The following HSF2 variants were observed in gnomAD, a reference collection of about 807,000 sequenced individuals.
HSF2 encodes heat shock transcription factor 2, also known as heat shock factor protein 2.
In HSF2, 21 loss-of-function variants were observed where a neutral mutation model predicts 65.0. The observed-to-expected ratio is 0.32, with a 90% CI of 0.23 to 0.47. The LOEUF (loss-of-function observed/expected upper bound fraction) is 0.47, where lower values mean the gene tolerates loss of function less well. Among genes scored for constraint, HSF2 ranks in the 20% least tolerant of loss-of-function variants. The pLI, the probability that HSF2 is intolerant of heterozygous loss-of-function variation, is 1.00. For missense variants in HSF2, 499 were observed against 628.1 expected, an observed-to-expected ratio of 0.79 and a Z score of 2.20; for synonymous variants, 225 against 219.1, an observed-to-expected ratio of 1.03 and a Z score of -0.24.
rs6926219 is a variant in HSF2 at position 122,399,661 on chromosome 6, G to T, written c.-77G>T. ...CGCCTGCGTTGTGGGCGTTCTCGGG[G>T]AGCTGCTGCCGTAGCTGCCGCCGCC... is the stretch of plus-strand genomic sequence containing the variant. On this transcript the variant is annotated 5_prime_UTR_variant, in exon 1 of 13. Coordinates refer to ENST00000368455, the MANE Select transcript of HSF2 (RefSeq NM_004506.4). 13 of 1,114,678 alleles carry T rather than the reference G, an allele frequency of 1.2e-5. No homozygotes were observed. The East Asian group carries it at 1.9e-4, about 16-fold the overall frequency. The allele number at this position is 1,114,678 out of a possible 1,614,324, so 69.0% of individuals were successfully genotyped here.
At chr6:122,423,487 A>G in intron 9 of HSF2, 94 bp from the exon 10 acceptor site, 3 of 569,918 alleles carry the variant, frequency 5.3e-6, no homozygotes, top group East Asian at 3.0e-5. Flanking sequence ...AGCAGCTGCT[A>G]GAAATATCTT....
Position 122,405,772 on chromosome 6 carries a change from T to C in HSF2, c.93+5942T>C, listed in dbSNP as rs529061177. On this transcript the variant is annotated intron_variant, in intron 1 of 12. Transcript: ENST00000368455. ...TTACATATTGTCTGTATCTGCTTTCTCACTACAAAGGTAGAGTTATGATGT... is the reference window on the plus strand; with the variant it reads ...TTACATATTGTCTGTATCTGCTTTCCCACTACAAAGGTAGAGTTATGATGT... Among the ~76,000 whole-genome samples, 6 of 152,358 alleles carry C rather than the reference T, an allele frequency of 3.9e-5. No individual in the cohort carries two copies. In the South Asian group the frequency reaches 1.0e-3, roughly 26 times the overall value.
chr6:122,432,385 G>C lies in HSF2; in HGVS notation c.*165G>C. The C allele has an allele frequency of 1.7e-6, 1 of 597,204 alleles. No individual in the cohort carries two copies. The highest frequency in any genetic ancestry group is 4.4e-4 in the Middle Eastern group (1 of 2,266). The allele number at this position is 597,204 out of a possible 1,614,324, so 37.0% of individuals were successfully genotyped here. A position where few individuals can be genotyped will look rare whatever the true frequency, so the allele number is the denominator to read the frequency against. ...TTCTCACTAACCACACACTCTTGCAGAGCTTTCAGGTGTTACTCAGCTGCA... is the reference window on the plus strand; with the variant it reads ...TTCTCACTAACCACACACTCTTGCACAGCTTTCAGGTGTTACTCAGCTGCA... On this transcript the variant is annotated 3_prime_UTR_variant, in exon 13 of 13. Coordinates refer to ENST00000368455, the MANE Select transcript of HSF2 (RefSeq NM_004506.4).
intron 4 of HSF2, among the ~76,000 whole-genome samples, chr6:122,415,146 A>G (rs1774094202): frequency 6.6e-6 from 1 of 152,230 alleles, no homozygotes; most frequent in South Asian, 2.1e-4. Context: ...GCGAACATTT[A>G]ACAACATAAT....
chr6:122,428,083 T>A, intron 11 of HSF2, 127 bp downstream of exon 11: 1 of 507,878 alleles, frequency 2.0e-6, no homozygotes, highest in Non-Finnish European at 3.5e-6. Context: ...GTATGTGTGA[T>A]CAAGATAATA....
chr6:122,416,108 T>A, intron 4 of HSF2, 113 bp from the exon 5 acceptor site: 1 of 656,138 alleles, frequency 1.5e-6, no homozygotes, highest in Non-Finnish European at 2.7e-6. Flanking sequence ...CATAAATACA[T>A]ATAGTAAAAA....
At chr6:122,418,406 C>T (rs1416484604) in intron 5 of HSF2, among the ~76,000 whole-genome samples, 4 of 152,074 alleles carry the variant, frequency 2.6e-5, no homozygotes, top group African/African-American at 9.7e-5. Flanking sequence ...TTTAACATAT[C>T]CAAAGTTCCT....
intron 10 of HSF2, 77 bp from the exon 11 acceptor site, chr6:122,427,826 G>A (rs1774370894): frequency 6.1e-6 from 6 of 977,294 alleles, no homozygotes; most frequent in African/African-American, 1.6e-5. Context: ...CACCCAACAT[G>A]GCTGTATAAA....
Position 122,432,855 on chromosome 6 carries a change from AG to A in HSF2, c.*636del, listed in dbSNP as rs1774507612. 1 of 152,212 alleles carries A rather than the reference AG, an allele frequency of 6.6e-6. No individual in the cohort carries two copies. Among genetic ancestry groups the A allele is most frequent in the Non-Finnish European group, 1.5e-5 (1 of 68,086 alleles). 9.4% of individuals were successfully genotyped at this position (152,212 alleles called of 1,614,324 possible). A position where few individuals can be genotyped will look rare whatever the true frequency, so the allele number is the denominator to read the frequency against. ...AAAGATCGGGGGTGGGATGGGATGGAGTGAGCCCCATCCAGTTAGTTGGACT... is the reference window on the plus strand; with the variant it reads ...AAAGATCGGGGGTGGGATGGGATGGATGAGCCCCATCCAGTTAGTTGGACT... On this transcript the variant is annotated 3_prime_UTR_variant, in exon 13 of 13. Transcript: ENST00000368455.
At chr6:122,422,066 T>C in intron 7 of HSF2, 84 bp from the exon 8 acceptor site, 2 of 905,092 alleles carry the variant, frequency 2.2e-6, no homozygotes, top group Admixed American at 4.7e-5. Context: ...TAAATAGTAG[T>C]TGCCTAGTTA....
intron 11 of HSF2, 37 bp downstream of exon 11, chr6:122,427,993 A>G (rs760265020): frequency 7.1e-7 from 1 of 1,416,914 alleles, no homozygotes; most frequent in East Asian, 2.4e-5. Flanking sequence ...ACCCATAGCT[A>G]TAAAAATCTA....
chr6:122,406,789 C>G (rs1490377030), intron 1 of HSF2, among the ~76,000 whole-genome samples: 2 of 152,058 alleles, frequency 1.3e-5, no homozygotes, highest in Non-Finnish European at 1.5e-5. Flanking sequence ...TTTGAAACAA[C>G]TTGAAAATTG....
At chr6:122,409,637 A>G (rs1359176959) in intron 1 of HSF2, among the ~76,000 whole-genome samples, 2 of 151,944 alleles carry the variant, frequency 1.3e-5, no homozygotes, top group African/African-American at 2.4e-5. Flanking sequence ...ATAAGGGAAA[A>G]TCATTATTTG....
At chr6:122,413,472 A>G (rs1774046497) in intron 3 of HSF2, 53 bp from the exon 4 acceptor site, 7 of 1,363,508 alleles carry the variant, frequency 5.1e-6, no homozygotes. Flanking sequence ...GCTTTGAATT[A>G]CAATCATGGG....
chr6:122,426,673 T>TA (rs1211268522), intron 10 of HSF2, among the ~76,000 whole-genome samples: 1 of 152,028 alleles, frequency 6.6e-6, no homozygotes, highest in Non-Finnish European at 1.5e-5. Context: ...CTACCATGAA[T>TA]ATGGAACTTT....
At chr6:122,431,856 C>G in intron 12 of HSF2, 69 bp from the exon 13 acceptor site, 1 of 1,403,070 alleles carries the variant, frequency 7.1e-7, no homozygotes, top group Non-Finnish European at 9.8e-7. Context: ...TCTCTGTTTT[C>G]ATTTTTTTCC....
intron 7 of HSF2, chr6:122,420,443 C>G (rs1774206936): frequency 6.4e-6 from 1 of 155,322 alleles, no homozygotes; most frequent in African/African-American, 2.4e-5. Flanking sequence ...AAGTTTTTCT[C>G]TCTCCCCGTC....
At chr6:122,421,998 A>C (rs767720890) in intron 7 of HSF2, 152 bp from the exon 8 acceptor site, 32 of 599,100 alleles carry the variant, frequency 5.3e-5, no homozygotes, top group Admixed American at 1.0e-4. Flanking sequence ...AGTACCAATT[A>C]TTATGTAAGT....
At chr6:122,408,602 T>C (rs541388879) in intron 1 of HSF2, among the ~76,000 whole-genome samples, 20 of 152,274 alleles carry the variant, frequency 1.3e-4, no homozygotes, top group African/African-American at 4.6e-4. Flanking sequence ...GTAATTTTTG[T>C]ATATTGATAA....
Sources: gnomAD v4.1 joint callset for allele counts (sites outside exome capture counted in the v4.1 genomes callset) on GRCh38, gnomAD v4.1.1 for gene constraint, MANE v1.5 for transcripts, NCBI Gene and HGNC (gene_info 2026-07-23, HGNC 2026-07-21) for gene names.